Variants in STK39 observed in about 807,000 individuals in gnomAD.
STK39 encodes the protein serine/threonine kinase 39.
Under a neutral mutation model 77.8 loss-of-function variants are expected in STK39, and 20 were observed. The ratio of observed to expected loss-of-function variants is 0.26; its 90% confidence interval spans 0.18 to 0.37. The LOEUF is 0.37. Among genes scored for constraint, STK39 ranks in the 10% least tolerant of loss-of-function variants. STK39 has a pLI of 1.00. For synonymous variants in STK39, 246 were observed against 234.1 expected, an observed-to-expected ratio of 1.05 and a Z score of -0.47; for missense variants, 479 against 656.5, an observed-to-expected ratio of 0.73 and a Z score of 2.95.
chr2:168,151,661 C>T (rs1031883505), intron 5 of STK39, among the ~76,000 whole-genome samples: 4 of 151,512 alleles, frequency 2.6e-5, no homozygotes, highest in Non-Finnish European at 4.4e-5. Context: ...ATCGCTTGAA[C>T]CCAGGAGGTG....
At chr2:168,053,504 T>C (rs1227521205) in intron 14 of STK39, among the ~76,000 whole-genome samples, 1 of 152,232 alleles carries the variant, frequency 6.6e-6, no homozygotes, top group Non-Finnish European at 1.5e-5. Context: ...CTTTAATTTA[T>C]GTTGACTTTC....
At chr2:168,074,299 T>A (rs2105403040) in intron 12 of STK39, among the ~76,000 whole-genome samples, 1 of 152,358 alleles carries the variant, frequency 6.6e-6, no homozygotes, top group East Asian at 1.9e-4. Context: ...AATTACTAGG[T>A]CTGTAAAATA....
chr2:168,085,344 G>A (rs1043862466), intron 10 of STK39, among the ~76,000 whole-genome samples: 2 of 152,170 alleles, frequency 1.3e-5, no homozygotes, highest in Non-Finnish European at 2.9e-5. Flanking sequence ...ACCCACGCCT[G>A]GCTAGACTCC....
chr2:168,140,620 T>G, intron 6 of STK39, 29 bp downstream of exon 6: 1 of 1,552,082 alleles, frequency 6.4e-7, no homozygotes, highest in Non-Finnish European at 8.8e-7. Flanking sequence ...ACTATGTCCA[T>G]CAAAAAGTCA....
At chr2:168,105,109 T>C (rs1686935772) in intron 10 of STK39, among the ~76,000 whole-genome samples, 1 of 152,218 alleles carries the variant, frequency 6.6e-6, no homozygotes, top group South Asian at 2.1e-4. Context: ...ATAAACAACA[T>C]GTGAAGAACA....
intron 1 of STK39, among the ~76,000 whole-genome samples, chr2:168,190,740 C>T (rs1689319329): frequency 6.6e-6 from 1 of 151,804 alleles, no homozygotes; most frequent in African/African-American, 2.4e-5. Flanking sequence ...GGACACACTC[C>T]TACTGAGAAA....
chr2:168,046,727 C>T (rs1685250984), intron 14 of STK39, among the ~76,000 whole-genome samples: 1 of 152,116 alleles, frequency 6.6e-6, no homozygotes, highest in African/African-American at 2.4e-5. Flanking sequence ...AAAAAGCAAC[C>T]CAAAAAGGGG....
At chr2:168,207,875 G>A (rs1399522707) in intron 1 of STK39, among the ~76,000 whole-genome samples, 3 of 152,098 alleles carry the variant, frequency 2.0e-5, no homozygotes, top group East Asian at 1.9e-4. Context: ...AACTGAGGTC[G>A]GTCTACTCCC....
intron 12 of STK39, among the ~76,000 whole-genome samples, chr2:168,066,418 G>A (rs1027283109): frequency 1.3e-5 from 2 of 152,136 alleles, no homozygotes; most frequent in African/African-American, 4.8e-5. Flanking sequence ...TAAGATGTTA[G>A]GGGAAAATGA....
intron 4 of STK39, among the ~76,000 whole-genome samples, chr2:168,162,640 C>A (rs968440007): frequency 3.3e-5 from 5 of 152,094 alleles, no homozygotes; most frequent in African/African-American, 7.2e-5. Flanking sequence ...TATTATATTT[C>A]TTCACCGTAT....
chr2:168,173,387 C>T (rs1025853097), intron 2 of STK39, among the ~76,000 whole-genome samples: 1 of 152,034 alleles, frequency 6.6e-6, no homozygotes, highest in African/African-American at 2.4e-5. Context: ...CACAAATAAC[C>T]GAATACTGTT....
intron 16 of STK39, among the ~76,000 whole-genome samples, chr2:168,009,342 A>T (rs932666300): frequency 6.6e-6 from 1 of 152,228 alleles, no homozygotes; most frequent in Admixed American, 6.5e-5. Flanking sequence ...TAGTTTGTCA[A>T]ATAATCAGCA....
chr2:168,183,986 C>T (rs1689145410), intron 1 of STK39, among the ~76,000 whole-genome samples: 3 of 152,214 alleles, frequency 2.0e-5, no homozygotes, highest in Non-Finnish European at 4.4e-5. Flanking sequence ...GAGAAATCAA[C>T]TAACATCTTT....
At chr2:168,023,958 G>C (rs1221747097) in intron 14 of STK39, among the ~76,000 whole-genome samples, 1 of 152,118 alleles carries the variant, frequency 6.6e-6, no homozygotes, top group African/African-American at 2.4e-5. Context: ...GAAATTCCAG[G>C]TGAAGGTGCA....
intron 10 of STK39, among the ~76,000 whole-genome samples, chr2:168,116,095 CAT>C (rs1280643592): frequency 6.6e-6 from 1 of 152,112 alleles, no homozygotes; most frequent in Non-Finnish European, 1.5e-5. Context: ...AACCTTCAAG[CAT>C]AGATTTTTAT....
At chr2:167,961,446 G>GT (rs1691957657) in intron 17 of STK39, among the ~76,000 whole-genome samples, 1 of 152,272 alleles carries the variant, frequency 6.6e-6, no homozygotes, top group African/African-American at 2.4e-5. Context: ...CTTATTTCAT[G>GT]TTTTTTCTAA....
At chr2:168,219,334 C>A (rs1211533453) in intron 1 of STK39, among the ~76,000 whole-genome samples, 1 of 152,024 alleles carries the variant, frequency 6.6e-6, no homozygotes. Context: ...CAGATACTTT[C>A]CACATACACT....
intron 10 of STK39, among the ~76,000 whole-genome samples, chr2:168,103,963 G>A (rs891880132): frequency 1.3e-5 from 2 of 152,150 alleles, no homozygotes; most frequent in Non-Finnish European, 2.9e-5. Context: ...GTTCAGCACT[G>A]GTTGAACTAT....
intron 1 of STK39, among the ~76,000 whole-genome samples, chr2:168,185,151 T>C (rs931247700): frequency 1.1e-4 from 16 of 152,338 alleles, no homozygotes; most frequent in Admixed American, 9.1e-4. Context: ...ACATGACTCA[T>C]TAACATTAGT....
Sources: gnomAD v4.1 joint callset for allele counts (sites outside exome capture counted in the v4.1 genomes callset) on GRCh38, gnomAD v4.1.1 for gene constraint, MANE v1.5 for transcripts, NCBI Gene and HGNC (gene_info 2026-07-23, HGNC 2026-07-21) for gene names.